The following DHX9 variants were observed in gnomAD, a reference collection of about 807,000 sequenced individuals.
DHX9 encodes the protein DExH-box helicase 9.
Under a neutral mutation model 148.7 loss-of-function variants are expected in DHX9, and 27 were observed. That is an observed-to-expected ratio of 0.18 (90% CI 0.13 to 0.25). The LOEUF (loss-of-function observed/expected upper bound fraction) is 0.25, where lower values mean the gene tolerates loss of function less well. Ranked by LOEUF, DHX9 falls within the 10% of genes least tolerant of loss-of-function variation. DHX9 has a pLI of 1.00. For missense variants in DHX9, 796 were observed against 1,559.6 expected (o/e 0.51, Z 8.25); for synonymous variants, 529 against 516.6 (o/e 1.02, Z -0.33).
chr1:182,864,307 C>T (rs1648181456), intron 12 of DHX9, among the ~76,000 whole-genome samples: 1 of 152,178 alleles, frequency 6.6e-6, no homozygotes, highest in African/African-American at 2.4e-5. Context: ...TGGTCTTGAA[C>T]TCGTTGCCTC....
chr1:182,867,074 T>C, intron 14 of DHX9, 31 bp downstream of exon 14: 6 of 1,330,064 alleles, frequency 4.5e-6, no homozygotes, highest in Non-Finnish European at 6.2e-6. Flanking sequence ...AGTAAGGTAC[T>C]TAATTCTGCT....
chr1:182,887,298 T>G lies in DHX9; in HGVS notation c.3677T>G (p.Phe1226Cys). 3 of 1,613,994 alleles carry G rather than the reference T, an allele frequency of 1.9e-6. No homozygotes were observed. Among genetic ancestry groups the G allele is most frequent in the Non-Finnish European group, 2.5e-6 (3 of 1,179,988 alleles). ...TATAGAGGAGTTTCCCGAGGTGGCT[T>G]TAGAGGCAACTCTGGAGGAGACTAC... ...GGYRGVSRGG[F>C]RGNSGGDYRG... is the part of the protein sequence containing the mutation. The change falls in exon 28 of 28, where the codon TTT (phenylalanine) becomes TGT (cysteine). Residue 1226 changes from phenylalanine to cysteine, a missense_variant. By Grantham distance (205) the Phe-to-Cys change is radical. This residue lies in a region of DHX9 where 98 missense variants were observed against 105.5 expected (regional missense o/e 0.93). Transcript: ENST00000367549.
Position 182,881,503 on chromosome 1 carries a change from A to C in DHX9, c.2787-17A>C. 6.2e-7 allele frequency: 1 copy of C among 1,607,748 alleles called. No homozygotes were observed. Among genetic ancestry groups the C allele is most frequent in the Non-Finnish European group, 8.5e-7 (1 of 1,178,060 alleles). ...CTCTGGTCTTAGAGAATGATTTCTC[A>C]TGCCAATTTATTTTAGAATGGGTGG... is the stretch of plus-strand genomic sequence containing the variant. On this transcript the variant is annotated splice_polypyrimidine_tract_variant and intron_variant, in intron 23 of 27. Transcript: ENST00000367549.
At chr1:182,857,958 T>C (rs937780825) in intron 7 of DHX9, 146 bp from the exon 8 acceptor site, 13 of 731,582 alleles carry the variant, frequency 1.8e-5, no homozygotes, top group Non-Finnish European at 2.6e-5. Context: ...TTAGCAGATA[T>C]TAATAGAATA....
At chr1:182,877,326 A>C (rs986218021) in intron 19 of DHX9, 1 of 156,340 alleles carries the variant, frequency 6.4e-6, no homozygotes. Flanking sequence ...ATGAGCCTGG[A>C]AAAATATACC....
chr1:182,853,897 A>G, intron 5 of DHX9, 133 bp from the exon 6 acceptor site: 1 of 764,090 alleles, frequency 1.3e-6, no homozygotes, highest in Non-Finnish European at 2.1e-6. Flanking sequence ...TCAGTTTTTG[A>G]CTAGGATTAT....
At chr1:182,862,457 T>A (rs1668379121) in intron 12 of DHX9, among the ~76,000 whole-genome samples, 1 of 152,246 alleles carries the variant, frequency 6.6e-6, no homozygotes, top group Non-Finnish European at 1.5e-5. Flanking sequence ...TTGAAAGAGA[T>A]GAATTGTAAT....
intron 3 of DHX9, among the ~76,000 whole-genome samples, chr1:182,844,461 C>T (rs186875042): frequency 1.3e-5 from 2 of 152,212 alleles, no homozygotes; most frequent in East Asian, 3.8e-4. Flanking sequence ...CCCACTTCAG[C>T]TCTTCCCCAG....
At chr1:182,848,899 C>T (rs1239405997) in intron 3 of DHX9, among the ~76,000 whole-genome samples, 1 of 152,132 alleles carries the variant, frequency 6.6e-6, no homozygotes, top group African/African-American at 2.4e-5. Flanking sequence ...TTTTAAATGA[C>T]CAGATCTCAT....
intron 4 of DHX9, among the ~76,000 whole-genome samples, chr1:182,852,852 A>G (rs1668179645): frequency 6.6e-6 from 1 of 150,468 alleles, no homozygotes; most frequent in Non-Finnish European, 1.5e-5. Context: ...GATGTCTACC[A>G]TATGGTAGAT....
chr1:182,871,520 CAT>C (rs994855271), intron 14 of DHX9, among the ~76,000 whole-genome samples: 2 of 152,192 alleles, frequency 1.3e-5, no homozygotes, highest in African/African-American at 4.8e-5. Context: ...ATTCCATACC[CAT>C]GTTTAACCTA....
Position 182,887,179 on chromosome 1 carries a change from C to T in DHX9, c.3558C>T (p.Gly1186=), listed in dbSNP as rs887130683. The change falls in exon 28 of 28, where the codon GGC becomes GGT. Residue 1186 remains glycine, a synonymous_variant. Coordinates refer to ENST00000367549, the MANE Select transcript of DHX9 (RefSeq NM_001357.5). ...CTAGTTACAGTGGTGGAGGCTATGG[C>T]GGTGGCTATAGCAGTGGAGGCTATG... The part of the protein sequence containing the change: ...GGSSYSGGGY[G]GGYSSGGYGS... The T allele has an allele frequency of 9.9e-6, 16 of 1,613,892 alleles. No homozygotes were observed. The highest frequency in any genetic ancestry group is 1.1e-5 in the Non-Finnish European group (13 of 1,179,984).
chr1:182,872,310 A>G, intron 14 of DHX9, 27 bp from the exon 15 acceptor site: 1 of 1,587,792 alleles, frequency 6.3e-7, no homozygotes, highest in South Asian at 1.1e-5. Context: ...ATGTAATTTC[A>G]AAAATTTTGT....
Position 182,858,631 on chromosome 1 carries a change from T to G in DHX9, c.891T>G (p.Ile297Met). The stretch of plus-strand genomic sequence containing the variant: ...TCATTCAAGAGCTAAATCTTGAGAT[T>G]TTGCCCCCGGTAAGCATAAAGCTGT... ...QNIIQELNLE[I>M]LPPPEDPSVP... The change falls in exon 9 of 28, where the codon ATT becomes ATG. Residue 297 changes from isoleucine (I) to methionine (M), a missense_variant. This residue lies in a region of DHX9 where 63 missense variants were observed against 78.6 expected (regional missense o/e 0.80). Transcript: ENST00000367549. The G allele has an allele frequency of 6.2e-7, 1 of 1,608,834 alleles. No individual in the cohort carries two copies. The highest frequency in any genetic ancestry group is 8.5e-7 in the Non-Finnish European group (1 of 1,175,942).
chr1:182,884,949 G>A (rs1045631604), intron 27 of DHX9, 136 bp downstream of exon 27: 4 of 757,134 alleles, frequency 5.3e-6, no homozygotes, highest in African/African-American at 3.5e-5. Flanking sequence ...TATAGATAGA[G>A]AGTTTGATGT....
chr1:182,856,245 CCA>C (rs1444419018), intron 6 of DHX9, among the ~76,000 whole-genome samples: 7 of 152,326 alleles, frequency 4.6e-5, no homozygotes, highest in African/African-American at 1.7e-4. Context: ...TCTTGAGACT[CCA>C]GCCTTTGGAA....
chr1:182,859,880 AG>A, intron 11 of DHX9, 112 bp from the exon 12 acceptor site: 1 of 969,960 alleles, frequency 1.0e-6, no homozygotes, highest in African/African-American at 1.7e-5. Flanking sequence ...CTGGGATTAC[AG>A]GCGTGAGCCA....
At chr1:182,857,240 C>G (rs745357445) in intron 7 of DHX9, among the ~76,000 whole-genome samples, 1 of 152,184 alleles carries the variant, frequency 6.6e-6, no homozygotes, top group Admixed American at 6.5e-5. Flanking sequence ...TAACTTCTGT[C>G]AGCTCACTTA....
chr1:182,883,718 A>G (rs1649192531), intron 26 of DHX9, 83 bp downstream of exon 26: 1 of 924,980 alleles, frequency 1.1e-6, no homozygotes, highest in Non-Finnish European at 1.7e-6. Context: ...TAACTTAATT[A>G]TATACTAATT....
Sources: allele counts gnomAD v4.1 joint callset (sites outside exome capture counted in the v4.1 genomes callset), GRCh38; gene constraint gnomAD v4.1.1; regional missense constraint gnomAD v4.1.1; transcripts MANE v1.5; gene names NCBI Gene and HGNC (gene_info 2026-07-23, HGNC 2026-07-21).